The following XAB2 variants were observed in gnomAD, a reference collection of about 807,000 sequenced individuals.
The protein encoded by XAB2 is pre-mRNA-splicing factor SYF1.
Under a neutral mutation model 113.4 loss-of-function variants are expected in XAB2, and 57 were observed. The observed-to-expected ratio is 0.50, with a 90% CI of 0.41 to 0.63. The LOEUF (loss-of-function observed/expected upper bound fraction) is 0.63, where lower values mean the gene tolerates loss of function less well. Among genes scored for constraint, XAB2 ranks in the 20% least tolerant of loss-of-function variants. The probability of loss-of-function intolerance (pLI) is 0.00; values close to 1 mark genes in which losing one functional copy is unlikely to be tolerated. For synonymous variants in XAB2, 497 were observed against 498.8 expected (o/e 1.00, Z 0.05); for missense variants, 1,037 against 1,233.3 (o/e 0.84, Z 2.38).
chr19:7,626,066 G>C, intron 5 of XAB2, 22 bp from the exon 6 acceptor site: 1 of 1,608,532 alleles, frequency 6.2e-7, no homozygotes, highest in Non-Finnish European at 8.5e-7. Context: ...GGGGCAGTGG[G>C]GGAGAGTCTC....
At position 7,622,871 on chromosome 19, in the gene XAB2, G is replaced by A. The variant is rs1247659286; in HGVS notation, c.1262C>T (p.Ala421Val). 1.9e-6 allele frequency: 3 copies of A among 1,613,844 alleles called. No homozygotes were observed. The highest frequency in any genetic ancestry group is 1.7e-6 in the Non-Finnish European group (2 of 1,179,944). The change falls in exon 10 of 19, where the codon GCC becomes GTC. Residue 421 changes from alanine (A) to valine (V), a missense_variant. Transcript: ENST00000358368. ...LDDARVILEK[A>V]TKVNFKQVDD... is the part of the protein sequence containing the mutation. The stretch of plus-strand genomic sequence containing the variant: ...CACCTGCTTGAAGTTCACCTTGGTG[G>A]CCTTCTCCAGGATGACACGGGCCTG...
In XAB2 at chr19:7,620,976, G is replaced by A; in HGVS notation, c.1841C>T (p.Ala614Val). 1 of 1,573,022 alleles carries A rather than the reference G, an allele frequency of 6.4e-7. No individual in the cohort carries two copies. The highest frequency in any genetic ancestry group is 8.6e-7 in the Non-Finnish European group (1 of 1,160,554). ...GGCCCTGGTGGCACGCTCGTACACG[G>A]CCATGGCATGCCGGGCCAGGCCCCA... ...EEWGLARHAM[A>V]VYERATRAVE... Residue 614 changes from alanine to valine, a missense_variant, in exon 14 of 19, where the codon GCC becomes GTC. Transcript: ENST00000358368.
chr19:7,629,294 A>G (rs2031207878), intron 1 of XAB2, among the ~76,000 whole-genome samples, 183 bp downstream of exon 1: 1 of 152,148 alleles, frequency 6.6e-6, no homozygotes, highest in Non-Finnish European at 1.5e-5. Context: ...ATACAACACC[A>G]TATTTTTACT....
chr19:7,620,990 G>T lies in XAB2; in HGVS notation c.1827C>A (p.Ala609=), dbSNP rs767667506. The change falls in exon 14 of 19, where the codon GCC becomes GCA. Residue 609 remains alanine (A), a synonymous_variant. Coordinates refer to ENST00000358368, the MANE Select transcript of XAB2 (RefSeq NM_020196.3). The part of the protein sequence containing the change: ...YAQLEEEWGL[A]RHAMAVYERA... Reference sequence around the variant, plus strand: ...GCTCGTACACGGCCATGGCATGCCGGGCCAGGCCCCACTCCTCCTCCAGCT... The same window carrying T: ...GCTCGTACACGGCCATGGCATGCCGTGCCAGGCCCCACTCCTCCTCCAGCT... The T allele has an allele frequency of 1.3e-4, 202 of 1,567,902 alleles. No individual in the cohort carries two copies. The highest frequency in any genetic ancestry group is 1.5e-4 in the Non-Finnish European group (177 of 1,157,912).
At position 7,620,989 on chromosome 19, in the gene XAB2, G is replaced by T. The variant is rs1318993253; in HGVS notation, c.1828C>A (p.Arg610=). 1 of 1,568,092 alleles carries T rather than the reference G, an allele frequency of 6.4e-7. No homozygotes were observed. The highest frequency in any genetic ancestry group is 2.3e-5 in the East Asian group (1 of 42,990). ...CGCTCGTACACGGCCATGGCATGCC[G>T]GGCCAGGCCCCACTCCTCCTCCAGC... is the stretch of plus-strand genomic sequence containing the variant. ...AQLEEEWGLA[R]HAMAVYERAT... Residue 610 remains arginine, a synonymous_variant, in exon 14 of 19, where the codon CGG becomes AGG. Coordinates refer to ENST00000358368, the MANE Select transcript of XAB2 (RefSeq NM_020196.3).
chr19:7,621,948 C>T (rs528006395), intron 12 of XAB2: 1 of 231,234 alleles, frequency 4.3e-6, no homozygotes, highest in South Asian at 5.8e-5. Context: ...CCCCCAGTAC[C>T]TCAGAAAGTA....
Position 7,622,317 on chromosome 19 carries a change from C to T in XAB2, c.1617+14G>A. On this transcript the variant is annotated intron_variant, in intron 12 of 18. Transcript: ENST00000358368. ...CTGCCATCAGGGGCCTCTGGGTCCA[C>T]CCTAGCCCCTCACCTTGAAGCTCTC... 6.2e-7 allele frequency: 1 copy of T among 1,613,864 alleles called. No homozygotes were observed.
intron 12 of XAB2, 191 bp downstream of exon 12, chr19:7,622,140 G>A (rs1284994253): frequency 1.7e-6 from 1 of 588,690 alleles, no homozygotes; most frequent in Admixed American, 3.0e-5. Context: ...GCCTCAGGAG[G>A]AACCAGCCCT....
chr19:7,620,728 C>T (rs1599370147), intron 14 of XAB2, 59 bp from the exon 15 acceptor site: 1 of 1,599,794 alleles, frequency 6.3e-7, no homozygotes, highest in Non-Finnish European at 8.5e-7. Context: ...GGGCTCCCAA[C>T]ACACCATGGC....
chr19:7,624,584 C>A lies in XAB2; in HGVS notation c.823-139G>T. ...CATCCAGCACCTCTGGGTAGTGACC[C>A]CAGGACAGAGCCTCCGTGGAGCCTT... On this transcript the variant is annotated intron_variant, in intron 6 of 18. Transcript: ENST00000358368. The surrounding 1 kb of genome is among the most constrained non-coding windows in gnomAD (Gnocchi z 4.2). 1 of 1,320,146 alleles carries A rather than the reference C, an allele frequency of 7.6e-7. No individual in the cohort carries two copies. The highest frequency in any genetic ancestry group is 1.0e-6 in the Non-Finnish European group (1 of 963,194). The allele number at this position is 1,320,146 out of a possible 1,614,324, so 81.8% of individuals were successfully genotyped here.
In XAB2 at chr19:7,623,344, C is replaced by G. The variant is rs903755511; in HGVS notation, c.1120-55G>C. On this transcript the variant is annotated intron_variant, in intron 8 of 18. Coordinates refer to ENST00000358368, the MANE Select transcript of XAB2 (RefSeq NM_020196.3). This position sits in a 1 kb window ranked among gnomAD's most constrained non-coding sequence, Gnocchi z 4.6. ...GACTCAGGACCCTGCAGATGACGGT[C>G]GGGGCAGAGCTGTGGCTCTGAGGGG... is the stretch of plus-strand genomic sequence containing the variant. 2.5e-6 allele frequency: 4 copies of G among 1,595,020 alleles called. No homozygotes were observed. The highest frequency in any genetic ancestry group is 3.4e-6 in the Non-Finnish European group (4 of 1,169,482).
chr19:7,620,362 G>C lies in XAB2; in HGVS notation c.2179C>G (p.Arg727Gly). The C allele has an allele frequency of 6.2e-7, 1 of 1,613,306 alleles. No homozygotes were observed. Among genetic ancestry groups the C allele is most frequent in the Non-Finnish European group, 8.5e-7 (1 of 1,179,988 alleles). The change falls in exon 16 of 19, where the codon CGG becomes GGG. Residue 727 changes from arginine (R) to glycine (G), a missense_variant. By Grantham distance (125) the Arg-to-Gly change is moderately radical. Coordinates refer to ENST00000358368, the MANE Select transcript of XAB2 (RefSeq NM_020196.3). ...EDTIKEMLRI[R>G]RSVQATYNTQ... ...TTGTACGTGGCCTGCACGCTGCGCC[G>C]GATACGCAGCATTTCCTTGATGGTG...
rs1273702801 is a variant in XAB2 at position 7,621,302 on chromosome 19, T to C, written c.1618-5A>G. 6.2e-7 allele frequency: 1 copy of C among 1,611,934 alleles called. No homozygotes were observed. Among genetic ancestry groups the C allele is most frequent in the Non-Finnish European group, 8.5e-7 (1 of 1,179,346 alleles). ...CGAGATGCCGCGCTCGTACGCCTGT[T>C]ACCAGAGGGAGAGTCACATGTGAGA... On this transcript the variant is annotated splice_region_variant and splice_polypyrimidine_tract_variant and intron_variant, in intron 12 of 18. Coordinates refer to ENST00000358368, the MANE Select transcript of XAB2 (RefSeq NM_020196.3).
At chr19:7,621,095 G>GGGCCCCCCC in intron 13 of XAB2, 40 bp downstream of exon 13, 5 of 1,487,356 alleles carry the variant, frequency 3.4e-6, no homozygotes, top group African/African-American at 1.4e-5. Flanking sequence ...CAGAAACCCA[G>GGGCCCCCCC]CCCGCCCGCC....
intron 1 of XAB2, 107 bp downstream of exon 1, chr19:7,629,370 C>T: frequency 2.2e-6 from 3 of 1,385,324 alleles, no homozygotes; most frequent in Non-Finnish European, 3.0e-6. Flanking sequence ...AGACCTTGGC[C>T]TGGCAGTTTC....
At position 7,627,719 on chromosome 19, in the gene XAB2, G is replaced by C; in HGVS notation, c.324+9C>G. ...ACTTCCCGATTCATCCCCTCGCCGAGCCCCAAACCTTGTGCATGAACACAA... is the reference window on the plus strand; with the variant it reads ...ACTTCCCGATTCATCCCCTCGCCGACCCCCAAACCTTGTGCATGAACACAA... On this transcript the variant is annotated intron_variant, in intron 3 of 18. Coordinates refer to ENST00000358368, the MANE Select transcript of XAB2 (RefSeq NM_020196.3). The surrounding 1 kb of genome is among the most constrained non-coding windows in gnomAD (Gnocchi z 4.5). 1 of 1,613,476 alleles carries C rather than the reference G, an allele frequency of 6.2e-7. No homozygotes were observed. Among genetic ancestry groups the C allele is most frequent in the Non-Finnish European group, 8.5e-7 (1 of 1,179,770 alleles).
rs1409088462 is a variant in XAB2, at chr19:7,627,436, G to A, written c.329C>T (p.Pro110Leu). Residue 110 changes from proline (P) to leucine (L), a missense_variant, in exon 4 of 19, where the codon CCT becomes CTT. Physicochemically the swap from Pro to Leu is moderately conservative, Grantham distance 98. Transcript: ENST00000358368. The surrounding 1 kb of genome is among the most constrained non-coding windows in gnomAD (Gnocchi z 4.5). The part of the protein sequence containing the change: ...ERAFVFMHKM[P>L]RLWLDYCQFL... ...CTGGCAGTAATCTAGCCACAGACGA[G>A]GCATCTGGGGGTGTGGGGAGAGGCG... is the stretch of plus-strand genomic sequence containing the variant. The A allele has an allele frequency of 2.5e-6, 4 of 1,603,498 alleles. No individual in the cohort carries two copies. Among genetic ancestry groups the A allele is most frequent in the Non-Finnish European group, 3.4e-6 (4 of 1,176,328 alleles).
In XAB2 at chr19:7,624,606, C is replaced by G. The variant is rs1041651496; in HGVS notation, c.823-161G>C. ...ACCCCAGGACAGAGCCTCCGTGGAG[C>G]CTTCTCACCCCCGCCCTGCCCTGCA... On this transcript the variant is annotated intron_variant, in intron 6 of 18. Coordinates refer to ENST00000358368, the MANE Select transcript of XAB2 (RefSeq NM_020196.3). The surrounding 1 kb of genome is among the most constrained non-coding windows in gnomAD (Gnocchi z 4.2). Among the ~76,000 whole-genome samples, 1 of 152,098 alleles carries G rather than the reference C, an allele frequency of 6.6e-6. No homozygotes were observed. Among genetic ancestry groups the G allele is most frequent in the Non-Finnish European group, 1.5e-5 (1 of 68,006 alleles).
Position 7,623,825 on chromosome 19 carries a change from G to A in XAB2, c.1025C>T (p.Pro342Leu), listed in dbSNP as rs1201349533. 6.2e-7 allele frequency: 1 copy of A among 1,610,886 alleles called. No homozygotes were observed. The highest frequency in any genetic ancestry group is 8.5e-7 in the Non-Finnish European group (1 of 1,179,352). Residue 342 changes from proline (P) to leucine (L), a missense_variant, in exon 8 of 19, where the codon CCC becomes CTC. Coordinates refer to ENST00000358368, the MANE Select transcript of XAB2 (RefSeq NM_020196.3). The surrounding 1 kb of genome is among the most constrained non-coding windows in gnomAD (Gnocchi z 4.6). The part of the protein sequence containing the change: ...ARFEQLISRR[P>L]LLLNSVLLRQ... ...CAGCAAGACGCTGTTGAGGAGCAGG[G>A]GCCGCCGGCTGATGAGCTGCTCGAA...
Sources: allele counts gnomAD v4.1 joint callset (sites outside exome capture counted in the v4.1 genomes callset), GRCh38; gene constraint gnomAD v4.1.1; non-coding constraint Gnocchi (gnomAD v3.1); transcripts MANE v1.5; gene names NCBI Gene and HGNC (gene_info 2026-07-23, HGNC 2026-07-21).